SEMA3A: variants seen among roughly 807,000 people sequenced by gnomAD.
SEMA3A encodes the protein semaphorin 3A, also known as semaphorin-3A.
SEMA3A carries 29 observed loss-of-function variants against 97.9 expected under a neutral mutation model. The ratio of observed to expected loss-of-function variants is 0.30; its 90% CI spans 0.22 to 0.40. The LOEUF (loss-of-function observed/expected upper bound fraction) is 0.40. SEMA3A is among the 10% of genes least tolerant of loss of function. The pLI is 1.00. For missense variants in SEMA3A, 763 were observed against 951.3 expected, an observed-to-expected ratio of 0.80 and a Z score of 2.60; for synonymous variants, 321 against 323.7, an observed-to-expected ratio of 0.99 and a Z score of 0.09.
chr7:84,080,105 A>C (rs1293265398), intron 4 of SEMA3A, among the ~76,000 whole-genome samples: 25 of 142,672 alleles, frequency 1.8e-4, no homozygotes, highest in Non-Finnish European at 7.5e-5. Context: ...TCGCAAGGAC[A>C]AAAAACCAAA....
chr7:84,020,012 T>A lies in SEMA3A; in HGVS notation c.668-5661A>T, dbSNP rs561773186. Among the ~76,000 whole-genome samples the A allele has an allele frequency of 9.3e-5, 14 of 150,208 alleles. No individual in the cohort carries two copies. In the South Asian group the frequency reaches 2.9e-3, roughly 32 times the overall value. On this transcript the variant is annotated intron_variant, in intron 6 of 16. Coordinates refer to ENST00000265362, the MANE Select transcript of SEMA3A (RefSeq NM_006080.3). ...CCTAGTGTTTCTTTCACTATTTCAATATTGTTAATGATTTTTTTCTTTCTT... is the reference window on the plus strand; with the variant it reads ...CCTAGTGTTTCTTTCACTATTTCAAAATTGTTAATGATTTTTTTCTTTCTT...
rs1794051252 is a variant in SEMA3A at position 84,078,919 on chromosome 7, A to C, written c.454-18361T>G. Among the ~76,000 whole-genome samples the C allele has an allele frequency of 2.0e-5, 3 of 152,056 alleles. No individual in the cohort carries two copies. In the South Asian group the frequency reaches 6.2e-4, roughly 31 times the overall value. ...GGCAGGGCGGTTCTTAGTTACGTAG[A>C]TACTAAGTGACTTCTTTTGCTATCA... On this transcript the variant is annotated intron_variant, in intron 4 of 16. Coordinates refer to ENST00000265362, the MANE Select transcript of SEMA3A (RefSeq NM_006080.3).
At chr7:84,340,516 C>G (rs559478701) in intron 2 of SEMA3A, among the ~76,000 whole-genome samples, 2 of 152,224 alleles carry the variant, frequency 1.3e-5, no homozygotes, top group East Asian at 3.9e-4. Flanking sequence ...CAGTGGCTCA[C>G]GCCTGTAATC....
At chr7:84,397,419 A>G (rs1584290407) in intron 1 of SEMA3A, among the ~76,000 whole-genome samples, 1 of 148,248 alleles carries the variant, frequency 6.7e-6, no homozygotes, top group East Asian at 1.9e-4. Context: ...TAAGCATTAT[A>G]TATATAAAAT....
At chr7:84,048,885 G>C (rs1409044224) in intron 5 of SEMA3A, among the ~76,000 whole-genome samples, 2 of 151,948 alleles carry the variant, frequency 1.3e-5, no homozygotes, top group African/African-American at 4.8e-5. Flanking sequence ...AGCTGAAATA[G>C]TAAAATCAAC....
Position 84,007,444 on chromosome 7 carries a change from C to G in SEMA3A, c.1049G>C (p.Arg350Thr), listed in dbSNP as rs1203041673. The G allele has an allele frequency of 1.5e-5, 24 of 1,606,746 alleles. No individual in the cohort carries two copies. The highest frequency in any genetic ancestry group is 2.0e-5 in the Non-Finnish European group (24 of 1,176,474). ...GTGGGCATATGGACCAAGGAACACC[C>G]TTCTCACATCACTCATGCTATACAT... ...VCMYSMSDVR[R>T]VFLGPYAHRD... Residue 350 changes from arginine (R) to threonine (T), a missense_variant, in exon 10 of 17, where the codon AGG becomes ACG. Physicochemically the swap from Arg to Thr is moderately conservative, Grantham distance 71. Around this residue, in one of 2 missense-constraint regions of SEMA3A, gnomAD observed 678 missense variants for 881.3 expected, o/e 0.77. Coordinates refer to ENST00000265362, the MANE Select transcript of SEMA3A (RefSeq NM_006080.3).
At chr7:84,345,620 A>C (rs1035100212) in intron 2 of SEMA3A, among the ~76,000 whole-genome samples, 1 of 152,216 alleles carries the variant, frequency 6.6e-6, no homozygotes, top group Non-Finnish European at 1.5e-5. Flanking sequence ...ATTTATACTC[A>C]AGAAACCACT....
intron 3 of SEMA3A, among the ~76,000 whole-genome samples, chr7:84,261,876 A>G (rs1477703540): frequency 6.6e-6 from 1 of 152,242 alleles, no homozygotes; most frequent in Admixed American, 6.5e-5. Context: ...TGGAAAAGTG[A>G]CACCATAAGG....
intron 1 of SEMA3A, among the ~76,000 whole-genome samples, chr7:84,377,734 C>A (rs2116126681): frequency 6.6e-6 from 1 of 152,220 alleles, no homozygotes; most frequent in South Asian, 2.1e-4. Flanking sequence ...GATTTTTATT[C>A]ACTGATCTCT....
At chr7:84,364,591 A>C (rs1309273757) in intron 2 of SEMA3A, among the ~76,000 whole-genome samples, 1 of 151,792 alleles carries the variant, frequency 6.6e-6, no homozygotes, top group Non-Finnish European at 1.5e-5. Flanking sequence ...GTATTTTGTT[A>C]TGTGACATGG....
intron 1 of SEMA3A, among the ~76,000 whole-genome samples, chr7:84,139,363 A>G (rs58741896): frequency 0.044 from 6,625 of 152,130 alleles, 173 homozygotes; most frequent in South Asian, 0.072. Flanking sequence ...GTGTCGAGCT[A>G]TAAGAGAAGC....
chr7:84,268,840 C>A (rs111254379), intron 3 of SEMA3A, among the ~76,000 whole-genome samples: 157 of 152,282 alleles, frequency 1.0e-3, no homozygotes, highest in African/African-American at 3.6e-3. Context: ...CATGACCCAT[C>A]AGTGTCTCCA....
chr7:84,069,771 TC>T (rs1793672429), intron 4 of SEMA3A, among the ~76,000 whole-genome samples: 1 of 152,134 alleles, frequency 6.6e-6, no homozygotes, highest in Admixed American at 6.6e-5. Flanking sequence ...TAAAACAGCG[TC>T]CTCTTTAATA....
At chr7:84,436,956 C>T (rs150570589) in intron 1 of SEMA3A, among the ~76,000 whole-genome samples, 191 of 152,140 alleles carry the variant, frequency 1.3e-3, no homozygotes, top group African/African-American at 4.4e-3. Context: ...ATTCACCTTC[C>T]TCAAACAGTC....
chr7:84,216,971 G>T (rs148609198), intron 3 of SEMA3A, among the ~76,000 whole-genome samples: 1 of 152,282 alleles, frequency 6.6e-6, no homozygotes, highest in East Asian at 1.9e-4. Context: ...CAATCAATTT[G>T]AATAGCAGCG....
chr7:84,006,739 A>C (rs1485851927), intron 10 of SEMA3A, among the ~76,000 whole-genome samples: 1 of 152,184 alleles, frequency 6.6e-6, no homozygotes, highest in Non-Finnish European at 1.5e-5. Flanking sequence ...TTGATCTTAC[A>C]AGAAGCTTAG....
In SEMA3A at chr7:84,396,652, T is replaced by A. The variant is rs530059519; in HGVS notation, c.-245-24752A>T. Among the ~76,000 whole-genome samples, 4 of 152,180 alleles carry A rather than the reference T, an allele frequency of 2.6e-5. No individual in the cohort carries two copies. The South Asian group carries it at 8.3e-4, about 32-fold the overall frequency. ...AGAACAAAAATGTAAAGAAACTGAC[T>A]TCCAACTGACCCATTGAACAAACCT... On this transcript the variant is annotated intron_variant, in intron 1 of 3. Transcript: ENST00000424555.
chr7:84,064,064 T>G (rs1019836253), intron 4 of SEMA3A, among the ~76,000 whole-genome samples: 4 of 152,020 alleles, frequency 2.6e-5, no homozygotes, highest in Non-Finnish European at 5.9e-5. Flanking sequence ...GACTAACAGC[T>G]GATCGCTCAG....
chr7:84,289,349 T>C (rs1433148657), intron 3 of SEMA3A, among the ~76,000 whole-genome samples: 2 of 152,068 alleles, frequency 1.3e-5, no homozygotes, highest in African/African-American at 4.8e-5. Context: ...TATTTCAAAA[T>C]AGCTAGGAAA....
Sources: gnomAD v4.1 joint callset for allele counts (sites outside exome capture counted in the v4.1 genomes callset) on GRCh38, gnomAD v4.1.1 for gene constraint, gnomAD v4.1.1 regional missense constraint, MANE v1.5 for transcripts, NCBI Gene and HGNC (gene_info 2026-07-23, HGNC 2026-07-21) for gene names.